CCDC117: variants seen among roughly 807,000 people sequenced by gnomAD.
The protein encoded by CCDC117 is coiled-coil domain-containing protein 117.
Under a neutral mutation model 23.5 loss-of-function variants are expected in CCDC117, and 1 was observed. The observed-to-expected ratio is 0.04, with a 90% confidence interval of 0.02 to 0.20. The LOEUF is 0.20. Among genes scored for constraint, CCDC117 ranks in the 10% least tolerant of loss-of-function variants. CCDC117 has a pLI of 1.00. For missense variants in CCDC117, 383 were observed against 348.2 expected, an observed-to-expected ratio of 1.10 and a Z score of -0.80; for synonymous variants, 132 against 124.8, an observed-to-expected ratio of 1.06 and a Z score of -0.39.
At position 28,788,164 on chromosome 22, in the gene CCDC117, ATCT is replaced by A. The variant is rs1315864236; in HGVS notation, c.*1839_*1841del. 1 of 152,654 alleles carries A rather than the reference ATCT, an allele frequency of 6.6e-6. No individual in the cohort carries two copies. The highest frequency in any genetic ancestry group is 1.5e-5 in the Non-Finnish European group (1 of 68,050). The allele number at this position is 152,654 out of a possible 1,614,324, so 9.5% of individuals were successfully genotyped here. A position where few individuals can be genotyped will look rare whatever the true frequency, so the allele number is the denominator to read the frequency against. On this transcript the variant is annotated 3_prime_UTR_variant, in exon 5 of 5. Coordinates refer to ENST00000249064, the MANE Select transcript of CCDC117 (RefSeq NM_173510.4). ...TTGGAAACCAGCTAATAGTTTCTTA[ATCT>A]CAGATTTCGAGATGAATGTAAACTG...
rs1412928793 is a variant in CCDC117 at position 28,772,732 on chromosome 22, T to A, written c.-118T>A. The A allele has an allele frequency of 2.6e-6, 2 of 773,460 alleles. No homozygotes were observed. Among genetic ancestry groups the A allele is most frequent in the Non-Finnish European group, 3.5e-6 (2 of 578,898 alleles). 47.9% of individuals were successfully genotyped at this position (773,460 alleles called of 1,614,324 possible). On this transcript the variant is annotated 5_prime_UTR_variant, in exon 1 of 5. Transcript: ENST00000249064. The stretch of plus-strand genomic sequence containing the variant: ...GTGGAGGGTTCTAGAAGGCGTGACG[T>A]GGGGTCGAGAGCGGGATCCGAGGCT...
At chr22:28,776,419 A>G (rs1261516334) in intron 2 of CCDC117, among the ~76,000 whole-genome samples, 1 of 151,254 alleles carries the variant, frequency 6.6e-6, no homozygotes, top group Non-Finnish European at 1.5e-5. Flanking sequence ...GCAGTATTGT[A>G]TATCTTTTCT....
At chr22:28,781,340 T>G (rs5762793) in intron 3 of CCDC117, among the ~76,000 whole-genome samples, 168 bp downstream of exon 3, 52 of 4,220 alleles carry the variant, frequency 0.012, no homozygotes, top group African/African-American at 0.054. Context: ...GTTTTGTTTT[T>G]TTTTTTTTTT....
intron 2 of CCDC117, 112 bp from the exon 3 acceptor site, chr22:28,780,836 C>G (rs1210729875): frequency 1.4e-6 from 1 of 727,480 alleles, no homozygotes; most frequent in African/African-American, 1.8e-5. Context: ...TTACTACACA[C>G]TTGTCAAAAA....
In CCDC117 at chr22:28,772,815, G is replaced by T. The variant is rs959401370; in HGVS notation, c.-35G>T. 2.5e-6 allele frequency: 3 copies of T among 1,219,790 alleles called. No homozygotes were observed. The highest frequency in any genetic ancestry group is 4.3e-5 in the Admixed American group (1 of 23,100). 75.6% of individuals were successfully genotyped at this position (1,219,790 alleles called of 1,614,324 possible). On this transcript the variant is annotated 5_prime_UTR_variant, in exon 1 of 5. Transcript: ENST00000249064. ...GCCGGGCCTGGGGACGCGGGCGGCCGAGGCCGCCGTCGCAGCCTCCTCGTC... is the reference window on the plus strand; with the variant it reads ...GCCGGGCCTGGGGACGCGGGCGGCCTAGGCCGCCGTCGCAGCCTCCTCGTC...
intron 3 of CCDC117, among the ~76,000 whole-genome samples, chr22:28,782,425 A>G (rs902057587): frequency 6.6e-6 from 1 of 150,418 alleles, no homozygotes; most frequent in African/African-American, 2.4e-5. Flanking sequence ...CACCTGGCCA[A>G]ATTTTTTTTT....
At position 28,786,464 on chromosome 22, in the gene CCDC117, A is replaced by T; in HGVS notation, c.*138A>T. ...TCTCCACCTGTGATTTGGGGGTGGG[A>T]CTCTTATTTTGGGTAGCCATTTATT... On this transcript the variant is annotated 3_prime_UTR_variant, in exon 5 of 5. Transcript: ENST00000249064. The T allele has an allele frequency of 1.6e-6, 1 of 611,016 alleles. No individual in the cohort carries two copies. The highest frequency in any genetic ancestry group is 2.3e-5 in the South Asian group (1 of 42,714). The allele number at this position is 611,016 out of a possible 1,614,324, so 37.8% of individuals were successfully genotyped here. A position where few individuals can be genotyped will look rare whatever the true frequency, so the allele number is the denominator to read the frequency against.
intron 2 of CCDC117, among the ~76,000 whole-genome samples, chr22:28,774,371 CT>C (rs35613553): frequency 4.8e-3 from 582 of 122,118 alleles, no homozygotes; most frequent in Middle Eastern, 9.3e-3. Context: ...CCTGAAAAGT[CT>C]TTTTTTTTTT....
Position 28,772,800 on chromosome 22 carries a change from G to C in CCDC117, c.-50G>C, listed in dbSNP as rs1412993276. The C allele has an allele frequency of 4.9e-6, 6 of 1,215,268 alleles. No individual in the cohort carries two copies. The highest frequency in any genetic ancestry group is 4.3e-5 in the Admixed American group (1 of 23,038). 75.3% of individuals were successfully genotyped at this position (1,215,268 alleles called of 1,614,324 possible). ...GCTGTGGCTGCGGCTGCCGGGCCTG[G>C]GGACGCGGGCGGCCGAGGCCGCCGT... On this transcript the variant is annotated 5_prime_UTR_variant, in exon 1 of 5. Transcript: ENST00000249064.
At position 28,786,199 on chromosome 22, in the gene CCDC117, A is replaced by G. The variant is rs749295014; in HGVS notation, c.713A>G (p.Lys238Arg). ...AACTATACAGGAGAGAGCCAAGCTA[A>G]GCATGTAGCTGCTGGCACTGCCTTC... ...TKNYTGESQA[K>R]HVAAGTAFPQ... Residue 238 changes from lysine to arginine, a missense_variant, in exon 5 of 5, where the codon AAG (lysine) becomes AGG (arginine). Lys to Arg is a conservative substitution (Grantham distance 26, BLOSUM62 2). Transcript: ENST00000249064. 1 of 1,614,154 alleles carries G rather than the reference A, an allele frequency of 6.2e-7. No homozygotes were observed. Among genetic ancestry groups the G allele is most frequent in the African/African-American group, 1.3e-5 (1 of 75,052 alleles).
intron 2 of CCDC117, among the ~76,000 whole-genome samples, chr22:28,777,682 A>T (rs2031208363): frequency 1.3e-5 from 2 of 150,612 alleles, no homozygotes; most frequent in Admixed American, 1.3e-4. Context: ...GCTAATTTTT[A>T]TATTTTTAGT....
chr22:28,777,633 G>A (rs1028317196), intron 2 of CCDC117, among the ~76,000 whole-genome samples: 1 of 150,316 alleles, frequency 6.7e-6, no homozygotes, highest in East Asian at 2.0e-4. Flanking sequence ...CCTCAGCCTC[G>A]CGAGTTGCTG....
At chr22:28,773,806 C>A (rs1413920413) in intron 2 of CCDC117, 28 bp downstream of exon 2, 1 of 1,580,220 alleles carries the variant, frequency 6.3e-7, no homozygotes, top group Non-Finnish European at 8.7e-7. Flanking sequence ...TTTATTCACT[C>A]TGTGGTCACC....
intron 2 of CCDC117, among the ~76,000 whole-genome samples, chr22:28,774,495 C>T (rs374811776): frequency 6.6e-6 from 1 of 151,496 alleles, no homozygotes. Flanking sequence ...CTTCAGCCTC[C>T]TGAACAGCTG....
At chr22:28,780,187 T>G (rs2031278180) in intron 2 of CCDC117, among the ~76,000 whole-genome samples, 1 of 152,186 alleles carries the variant, frequency 6.6e-6, no homozygotes, top group Non-Finnish European at 1.5e-5. Flanking sequence ...TTCTAAAGTT[T>G]CTATGAAATA....
In CCDC117 at chr22:28,788,833, C is replaced by T. The variant is rs1438772761; in HGVS notation, c.*2507C>T. 6.6e-6 allele frequency: 1 copy of T among 152,572 alleles called. No homozygotes were observed. Among genetic ancestry groups the T allele is most frequent in the Admixed American group, 6.6e-5 (1 of 15,264 alleles). 9.5% of individuals were successfully genotyped at this position (152,572 alleles called of 1,614,324 possible). A position where few individuals can be genotyped will look rare whatever the true frequency, so the allele number is the denominator to read the frequency against. On this transcript the variant is annotated 3_prime_UTR_variant, in exon 5 of 5. Coordinates refer to ENST00000249064, the MANE Select transcript of CCDC117 (RefSeq NM_173510.4). ...TACCAGGGCTTTTCGTTTTGTGTAG[C>T]TTTTGCAGCATGGATCAAACATTGG...
At position 28,783,413 on chromosome 22, in the gene CCDC117, A is replaced by G. The variant is rs894618105; in HGVS notation, c.465-95A>G. 33 of 1,230,588 alleles carry G rather than the reference A, an allele frequency of 2.7e-5. No homozygotes were observed. In the South Asian group the frequency reaches 4.5e-4, roughly 17 times the overall value. 76.2% of individuals were successfully genotyped at this position (1,230,588 alleles called of 1,614,324 possible). On this transcript the variant is annotated intron_variant, in intron 3 of 4. Transcript: ENST00000249064. ...TATTGCTGTATTACTTACTGCTTTT[A>G]TCCTTTTTTATTTTTAAAATTTTGT... is the stretch of plus-strand genomic sequence containing the variant.
chr22:28,787,601 A>ATACTC lies in CCDC117; in HGVS notation c.*1275_*1276insTACTC. The ATACTC allele has an allele frequency of 6.6e-6, 1 of 152,494 alleles. No homozygotes were observed. Among genetic ancestry groups the ATACTC allele is most frequent in the Non-Finnish European group, 1.5e-5 (1 of 67,992 alleles). 9.4% of individuals were successfully genotyped at this position (152,494 alleles called of 1,614,324 possible). On this transcript the variant is annotated 3_prime_UTR_variant, in exon 5 of 5. Transcript: ENST00000249064. Reference sequence around the variant, plus strand: ...TGGAGAATTGCTTCCTGCTAGCAGGAAGCCTTCATCTTCTTGAGTACCCAA... The same window carrying ATACTC: ...TGGAGAATTGCTTCCTGCTAGCAGGATACTCAGCCTTCATCTTCTTGAGTACCCAA...
chr22:28,777,218 G>T (rs2031190763), intron 2 of CCDC117, among the ~76,000 whole-genome samples: 2 of 151,184 alleles, frequency 1.3e-5, no homozygotes. Context: ...GTACAGACGG[G>T]GTTTCACCAT....
Sources: allele counts gnomAD v4.1 joint callset (sites outside exome capture counted in the v4.1 genomes callset), GRCh38; gene constraint gnomAD v4.1.1; transcripts MANE v1.5; gene names NCBI Gene and HGNC (gene_info 2026-07-23, HGNC 2026-07-21).